SYVN1: variants seen among roughly 807,000 people sequenced by gnomAD.
SYVN1 encodes synoviolin 1.
In SYVN1, 17 loss-of-function variants were observed where a neutral mutation model predicts 62.6. The observed-to-expected ratio is 0.27, with a 90% CI of 0.19 to 0.41. The LOEUF is 0.41. Ranked by LOEUF, SYVN1 falls within the 10% of genes least tolerant of loss-of-function variation. SYVN1 has a pLI of 1.00. For synonymous variants in SYVN1, 316 were observed against 304.0 expected, an observed-to-expected ratio of 1.04 and a Z score of -0.41; for missense variants, 634 against 818.0, an observed-to-expected ratio of 0.78 and a Z score of 2.74.
At chr11:65,131,399 G>A (rs1281601957) in intron 7 of SYVN1, 26 bp from the exon 8 acceptor site, 1 of 1,613,770 alleles carries the variant, frequency 6.2e-7, no homozygotes, top group East Asian at 2.2e-5. Context: ...GCAGAAAGCA[G>A]CAGGTCACAG....
chr11:65,133,726 C>T, intron 1 of SYVN1, 108 bp from the exon 2 acceptor site: 2 of 896,612 alleles, frequency 2.2e-6, no homozygotes, highest in Non-Finnish European at 1.7e-6. Context: ...AATCACATTT[C>T]GCCCTCGAAA....
chr11:65,131,623 T>A, intron 6 of SYVN1, 27 bp from the exon 7 acceptor site: 3 of 1,610,064 alleles, frequency 1.9e-6, no homozygotes, highest in Non-Finnish European at 1.7e-6. Flanking sequence ...ACGAGGGGGA[T>A]GTAAACACAT....
chr11:65,133,159 C>A lies in SYVN1; in HGVS notation c.225+1G>T. On this transcript the variant is annotated splice_donor_variant, in intron 3 of 15. Coordinates refer to ENST00000377190, the MANE Select transcript of SYVN1 (RefSeq NM_172230.3). LOFTEE classifies it high-confidence loss of function. ...CACCTTTGGGGCAGCCGACATCTTACCTCCATCTCTGCTGCCCTCAGTTGC... is the reference window on the plus strand; with the variant it reads ...CACCTTTGGGGCAGCCGACATCTTAACTCCATCTCTGCTGCCCTCAGTTGC... 1 of 1,614,180 alleles carries A rather than the reference C, an allele frequency of 6.2e-7. No homozygotes were observed. Among genetic ancestry groups the A allele is most frequent in the Non-Finnish European group, 8.5e-7 (1 of 1,180,024 alleles).
intron 1 of SYVN1, chr11:65,134,171 A>T (rs1205612592): frequency 6.5e-6 from 1 of 153,448 alleles, no homozygotes; most frequent in Non-Finnish European, 1.5e-5. Flanking sequence ...GAGTAGTGTC[A>T]ACTCAGAGCA....
In SYVN1 at chr11:65,131,476, A is replaced by G. The variant is rs770594418; in HGVS notation, c.652T>C (p.Phe218Leu). The change falls in exon 7 of 16, where the codon TTT (phenylalanine) becomes CTT (leucine). Residue 218 changes from phenylalanine to leucine, a missense_variant. Coordinates refer to ENST00000377190, the MANE Select transcript of SYVN1 (RefSeq NM_172230.3). ...AGGCCCAGGCCCCTCTCACCTGTAA[A>G]CAGCTCTGTGTAGAGCATGTACACA... is the stretch of plus-strand genomic sequence containing the variant. ...KAVYMLYTEL[F>L]TGFIKVLLYM... is the part of the protein sequence containing the mutation. 5.6e-6 allele frequency: 9 copies of G among 1,613,958 alleles called. No individual in the cohort carries two copies. The East Asian group carries it at 1.8e-4, about 32-fold the overall frequency.
chr11:65,129,858 A>G lies in SYVN1; in HGVS notation c.1466T>C (p.Leu489Pro). ...AGFAGLTPEE[L>P]RALEGHERQH... ...CCGCTCATGGCCCTCCAGAGCTCGT[A>G]GCTCCTCTGGGGTCAGCCCAGCAAA... The change falls in exon 14 of 16, where the codon CTA becomes CCA. Residue 489 changes from leucine (L) to proline (P), a missense_variant. By Grantham distance (98) the Leu-to-Pro change is moderately conservative (BLOSUM62 -3). This residue lies in a region of SYVN1 where 351 missense variants were observed against 373.3 expected (regional missense o/e 0.94). Coordinates refer to ENST00000377190, the MANE Select transcript of SYVN1 (RefSeq NM_172230.3). The G allele has an allele frequency of 6.2e-7, 1 of 1,614,126 alleles. No homozygotes were observed. Among genetic ancestry groups the G allele is most frequent in the Non-Finnish European group, 8.5e-7 (1 of 1,180,028 alleles).
At chr11:65,128,534 T>TC (rs1309504276) in intron 15 of SYVN1, 29 bp downstream of exon 15, 4 of 1,611,676 alleles carry the variant, frequency 2.5e-6, no homozygotes, top group Non-Finnish European at 2.5e-6. Context: ...AGTTCCCTGC[T>TC]CCCCCGGCTG....
chr11:65,130,538 C>T (rs1417657710), intron 11 of SYVN1, 122 bp downstream of exon 11: 1 of 1,416,852 alleles, frequency 7.1e-7, no homozygotes. Context: ...TCTTTTAATC[C>T]CTCCCTGGCC....
In SYVN1 at chr11:65,130,250, C is replaced by A; in HGVS notation, c.1234+1G>T. The A allele has an allele frequency of 6.2e-7, 1 of 1,606,474 alleles. No individual in the cohort carries two copies. On this transcript the variant is annotated splice_donor_variant, in intron 12 of 15. Coordinates refer to ENST00000377190, the MANE Select transcript of SYVN1 (RefSeq NM_172230.3). LOFTEE classifies it high-confidence loss of function. ...GGCTGTCACAGTACCCAAAGGCTCA[C>A]CTGCACTGGTGGATGGAGGAGCCAC...
In SYVN1 at chr11:65,130,050, A is replaced by G; in HGVS notation, c.1360T>C (p.Phe454Leu). The change falls in exon 13 of 16, where the codon TTC becomes CTC. Residue 454 changes from phenylalanine (F) to leucine (L), a missense_variant. Around this residue, in one of 2 missense-constraint regions of SYVN1, gnomAD observed 351 missense variants for 373.3 expected, o/e 0.94. Coordinates refer to ENST00000377190, the MANE Select transcript of SYVN1 (RefSeq NM_172230.3). ...SAPEAGPAPGFPFPPPWMGMP... is the reference protein window; with the variant it reads ...SAPEAGPAPGLPFPPPWMGMP... Reference sequence around the variant, plus strand: ...CCCATCCAGGGAGGAGGGAAGGGGAAACCAGGGGCAGGGCCAGCCTCTGGG... The same window carrying G: ...CCCATCCAGGGAGGAGGGAAGGGGAGACCAGGGGCAGGGCCAGCCTCTGGG... The G allele has an allele frequency of 6.2e-7, 1 of 1,605,416 alleles. No homozygotes were observed.
At chr11:65,130,455 T>C in intron 11 of SYVN1, 76 bp from the exon 12 acceptor site, 1 of 1,462,082 alleles carries the variant, frequency 6.8e-7, no homozygotes, top group South Asian at 1.4e-5. Context: ...GCCTGGCTAT[T>C]GAGAGCTCTG....
At position 65,131,318 on chromosome 11, in the gene SYVN1, G is replaced by A. The variant is rs1364298301; in HGVS notation, c.714C>T (p.His238=). 2 of 1,614,018 alleles carry A rather than the reference G, an allele frequency of 1.2e-6. No individual in the cohort carries two copies. Among genetic ancestry groups the A allele is most frequent in the South Asian group, 1.1e-5 (1 of 91,088 alleles). ...MAFMTIMIKV[H]TFPLFAIRPM... The stretch of plus-strand genomic sequence containing the variant: ...GCCGGATGGCAAAGAGTGGGAAGGT[G>A]TGCACCTTGATCATGATGGTCATGA... The change falls in exon 8 of 16, where the codon CAC becomes CAT. Residue 238 remains histidine (H), a synonymous_variant. Coordinates refer to ENST00000377190, the MANE Select transcript of SYVN1 (RefSeq NM_172230.3).
intron 1 of SYVN1, among the ~76,000 whole-genome samples, chr11:65,133,861 A>T (rs1423130146): frequency 6.6e-6 from 1 of 152,218 alleles, no homozygotes; most frequent in Non-Finnish European, 1.5e-5. Flanking sequence ...GGCTCTTTCC[A>T]CGCTGCCTGC....
At position 65,130,364 on chromosome 11, in the gene SYVN1, A is replaced by G; in HGVS notation, c.1121T>C (p.Leu374Pro). The G allele has an allele frequency of 1.9e-6, 3 of 1,544,684 alleles. No individual in the cohort carries two copies. The highest frequency in any genetic ancestry group is 1.2e-5 in the South Asian group (1 of 80,218). Reference sequence around the variant, plus strand: ...GAACATGCCTGGAGGAAAAGGAGGCAGGAGGCCCTGGGGGACTGCAGAGAG... The same window carrying G: ...GAACATGCCTGGAGGAAAAGGAGGCGGGAGGCCCTGGGGGACTGCAGAGAG... Reference protein sequence around the residue: ...PQPPNFPQGLLPPFPPGMFPL... With the variant: ...PQPPNFPQGLPPPFPPGMFPL... Residue 374 changes from leucine (L) to proline (P), a missense_variant, in exon 12 of 16, where the codon CTG (leucine) becomes CCG (proline). Around this residue, in one of 2 missense-constraint regions of SYVN1, gnomAD observed 351 missense variants for 373.3 expected, o/e 0.94. Transcript: ENST00000377190.
rs1013798234 is a variant in SYVN1 at position 65,128,114 on chromosome 11, T to G, written c.*268A>C. 3 of 571,190 alleles carry G rather than the reference T, an allele frequency of 5.3e-6. No homozygotes were observed. Among genetic ancestry groups the G allele is most frequent in the African/African-American group, 1.9e-5 (1 of 53,162 alleles). 35.4% of individuals were successfully genotyped at this position (571,190 alleles called of 1,614,324 possible). On this transcript the variant is annotated 3_prime_UTR_variant, in exon 16 of 16. Transcript: ENST00000377190. ...AAGAGGGCTTCTCAGAGGCTAAACC[T>G]TCTGCCTTCATGGCCCCAGCAGAAC... is the stretch of plus-strand genomic sequence containing the variant.
chr11:65,131,814 C>T (rs1948184171), intron 6 of SYVN1, among the ~76,000 whole-genome samples: 1 of 152,140 alleles, frequency 6.6e-6, no homozygotes, highest in Admixed American at 6.5e-5. Flanking sequence ...TTAACTGTTC[C>T]TTTATAACAG....
rs111304413 is a variant in SYVN1 at position 65,130,757 on chromosome 11, T to C, written c.1008A>G (p.Ala336=). ...GTGGTGGTGACTGCGCTGGCAGCGA[T>C]GCACGAAGGACATCCATACGGCAGG... ...CPTCRMDVLR[A]SLPAQSPPPP... is the part of the protein sequence containing the mutation. Residue 336 remains alanine (A), a synonymous_variant, in exon 11 of 16, where the codon GCA becomes GCG. Transcript: ENST00000377190. 3,724 of 1,537,546 alleles carry C rather than the reference T, an allele frequency of 2.4e-3. 75 individuals are homozygous for C. The African/African-American group carries it at 0.043, about 18-fold the overall frequency.
At chr11:65,129,260 T>G in intron 14 of SYVN1, 1 of 168,628 alleles carries the variant, frequency 5.9e-6, no homozygotes, top group Admixed American at 5.6e-5. Flanking sequence ...ACATCACTTA[T>G]GAATATGAAT....
rs1948176111 is a variant in SYVN1 at position 65,131,264 on chromosome 11, C to T, written c.758+10G>A. The T allele has an allele frequency of 6.2e-7, 1 of 1,613,882 alleles. No individual in the cohort carries two copies. The highest frequency in any genetic ancestry group is 8.5e-7 in the Non-Finnish European group (1 of 1,179,918). On this transcript the variant is annotated intron_variant, in intron 8 of 15. Coordinates refer to ENST00000377190, the MANE Select transcript of SYVN1 (RefSeq NM_172230.3). The stretch of plus-strand genomic sequence containing the variant: ...AGGTCAGGAGGATCGGGGGACAGGG[C>T]CGGGCTCACCTCATGGCCAGGTACA...
Sources: allele counts gnomAD v4.1 joint callset (sites outside exome capture counted in the v4.1 genomes callset), GRCh38; gene constraint gnomAD v4.1.1; regional missense constraint gnomAD v4.1.1; transcripts MANE v1.5; gene names NCBI Gene and HGNC (gene_info 2026-07-23, HGNC 2026-07-21).